ATAD2B: variants seen among roughly 807,000 people sequenced by gnomAD.
The protein encoded by ATAD2B is ATPase family AAA domain containing 2B.
Under a neutral mutation model 167.6 loss-of-function variants are expected in ATAD2B, and 40 were observed. That is an observed-to-expected ratio of 0.24 (90% CI 0.19 to 0.31). ATAD2B has a LOEUF of 0.31. ATAD2B is among the 10% of genes least tolerant of loss of function. The pLI is 1.00. For missense variants in ATAD2B, 1,242 were observed against 1,757.2 expected, an observed-to-expected ratio of 0.71 and a Z score of 5.24; for synonymous variants, 579 against 596.5, an observed-to-expected ratio of 0.97 and a Z score of 0.43.
chr2:23,805,710 C>T (rs1684264265), intron 18 of ATAD2B, among the ~76,000 whole-genome samples: 1 of 148,924 alleles, frequency 6.7e-6, no homozygotes, highest in Admixed American at 6.7e-5. Flanking sequence ...AAGATGGTGC[C>T]AAATTACACT....
intron 23 of ATAD2B, among the ~76,000 whole-genome samples, chr2:23,763,479 G>C (rs186081971): frequency 5.9e-5 from 9 of 152,292 alleles, no homozygotes; most frequent in South Asian, 2.1e-4. Flanking sequence ...CCCAGGCAAT[G>C]ACTACTCCAC....
chr2:23,807,875 A>G (rs1684725953), intron 18 of ATAD2B, among the ~76,000 whole-genome samples: 1 of 137,150 alleles, frequency 7.3e-6, no homozygotes, highest in Non-Finnish European at 1.5e-5. Context: ...CATTTTATAT[A>G]TAAAAAATAA....
the ATAD2B span, among the ~76,000 whole-genome samples, chr2:23,737,271 C>T: frequency 1.2e-4 from 18 of 152,288 alleles, no homozygotes; most frequent in Admixed American, 9.2e-4. Context: ...CCCTGACCCC[C>T]GAGTACCCTA....
chr2:23,913,420 ACT>A (rs1196727638), intron 1 of ATAD2B, among the ~76,000 whole-genome samples: 2 of 152,136 alleles, frequency 1.3e-5, no homozygotes, highest in Non-Finnish European at 2.9e-5. Context: ...CGGGCAGATC[ACT>A]TGAGGTCAGG....
intron 13 of ATAD2B, among the ~76,000 whole-genome samples, chr2:23,849,640 C>A (rs1210733818): frequency 6.6e-6 from 1 of 152,158 alleles, no homozygotes; most frequent in Non-Finnish European, 1.5e-5. Context: ...ACCAGCCTAG[C>A]TAACATGGTG....
intron 13 of ATAD2B, among the ~76,000 whole-genome samples, chr2:23,857,069 T>G (rs1053494104): frequency 1.3e-5 from 2 of 151,378 alleles, no homozygotes; most frequent in African/African-American, 4.9e-5. Context: ...AAAAAAAAAT[T>G]AAAAGCCCAC....
chr2:23,904,286 A>T (rs1236667909), intron 1 of ATAD2B, among the ~76,000 whole-genome samples: 1 of 152,208 alleles, frequency 6.6e-6, no homozygotes, highest in Non-Finnish European at 1.5e-5. Context: ...TCTCTCACTA[A>T]AACAAGAGGA....
At position 23,888,305 on chromosome 2, in the gene ATAD2B, T is replaced by A. The variant is rs778136931; in HGVS notation, c.418+45A>T. On this transcript the variant is annotated intron_variant, in intron 3 of 27. Transcript: ENST00000238789. ...CCCCACTTTACTGCTTTCTCTAACA[T>A]TGTAAGAATTTTAAAACTAACCAGT... 1.4e-5 allele frequency: 19 copies of A among 1,325,288 alleles called. No homozygotes were observed. The East Asian group carries it at 4.3e-4, about 30-fold the overall frequency. The allele number at this position is 1,325,288 out of a possible 1,614,324, so 82.1% of individuals were successfully genotyped here.
intron 22 of ATAD2B, among the ~76,000 whole-genome samples, chr2:23,780,720 T>A (rs1679895950): frequency 6.6e-6 from 1 of 152,022 alleles, no homozygotes; most frequent in South Asian, 2.1e-4. Context: ...GCCAACATGA[T>A]GAAACCCCAT....
chr2:23,895,620 A>G (rs1700062206), intron 2 of ATAD2B, among the ~76,000 whole-genome samples, 199 bp downstream of exon 2: 2 of 152,182 alleles, frequency 1.3e-5, no homozygotes, highest in Non-Finnish European at 2.9e-5. Flanking sequence ...GGTAATTTCT[A>G]TTACATACCA....
chr2:23,687,020 G>C, the ATAD2B span, among the ~76,000 whole-genome samples: 1 of 152,160 alleles, frequency 6.6e-6, no homozygotes, highest in Non-Finnish European at 1.5e-5. Flanking sequence ...GTGGTCAAGA[G>C]AGAAGCTGAT....
chr2:23,821,245 T>C (rs1687397805), intron 16 of ATAD2B, among the ~76,000 whole-genome samples: 1 of 152,192 alleles, frequency 6.6e-6, no homozygotes, highest in African/African-American at 2.4e-5. Context: ...ATAATAATGC[T>C]ATAAAATGGT....
chr2:23,808,101 A>G (rs1340363988), intron 18 of ATAD2B, among the ~76,000 whole-genome samples: 1 of 130,640 alleles, frequency 7.7e-6, no homozygotes, highest in Non-Finnish European at 1.6e-5. Flanking sequence ...AATTATATAT[A>G]TAAGTAATTA....
Position 23,917,940 on chromosome 2 carries a change from C to T in ATAD2B, c.216+8615G>A, listed in dbSNP as rs141091174. On this transcript the variant is annotated intron_variant, in intron 1 of 27. Coordinates refer to ENST00000238789, the MANE Select transcript of ATAD2B (RefSeq NM_017552.4). ...AGGCATGGTGACGCAAGCCTGTAAT[C>T]GCAGCTACTCGGGAGGCTGAGGCAG... Among the ~76,000 whole-genome samples, 365 of 152,028 alleles carry T rather than the reference C, an allele frequency of 2.4e-3. 1 individual carries two copies. Among genetic ancestry groups the T allele is most frequent in the Admixed American group, 6.0e-3 (91 of 15,256 alleles).
At chr2:23,706,458 C>A in the ATAD2B span, 1 of 1,437,178 alleles carries the variant, frequency 7.0e-7, no homozygotes, top group Non-Finnish European at 9.2e-7. Flanking sequence ...ATGCCTAACT[C>A]TGTCCCCGCT....
the ATAD2B span, among the ~76,000 whole-genome samples, chr2:23,679,930 G>A: frequency 2.6e-5 from 4 of 152,166 alleles, no homozygotes; most frequent in African/African-American, 9.7e-5. Context: ...GAGTGGGGAC[G>A]TGTGTGGGGT....
At chr2:23,894,152 C>A (rs576498477) in intron 2 of ATAD2B, among the ~76,000 whole-genome samples, 6 of 151,960 alleles carry the variant, frequency 3.9e-5, no homozygotes, top group Admixed American at 3.3e-4. Context: ...TATGCTCTCC[C>A]AAAATTTTTG....
intron 4 of ATAD2B, among the ~76,000 whole-genome samples, chr2:23,887,005 C>T (rs1698769782): frequency 6.6e-6 from 1 of 151,354 alleles, no homozygotes. Flanking sequence ...GTGCTGGGCA[C>T]GGTGGCTCAT....
At chr2:23,801,114 T>C (rs2149476072) in intron 18 of ATAD2B, among the ~76,000 whole-genome samples, 1 of 152,236 alleles carries the variant, frequency 6.6e-6, no homozygotes, top group Admixed American at 6.5e-5. Context: ...AAAATAAACT[T>C]TTATATTTTC....
Sources: gnomAD v4.1 joint callset for allele counts (sites outside exome capture counted in the v4.1 genomes callset) on GRCh38, gnomAD v4.1.1 for gene constraint, MANE v1.5 for transcripts, NCBI Gene and HGNC (gene_info 2026-07-23, HGNC 2026-07-21) for gene names.